Variants in CCT4 observed in about 807,000 individuals in gnomAD.
CCT4 encodes the protein chaperonin containing TCP1 subunit 4.
CCT4 carries 17 observed loss-of-function variants against 62.5 expected under a neutral mutation model. The ratio of observed to expected loss-of-function variants is 0.27; its 90% CI spans 0.19 to 0.41. The LOEUF (loss-of-function observed/expected upper bound fraction) is 0.41. Among genes scored for constraint, CCT4 ranks in the 10% least tolerant of loss-of-function variants. CCT4 has a pLI of 1.00. For synonymous variants in CCT4, 250 were observed against 229.9 expected (o/e 1.09, Z -0.79); for missense variants, 592 against 659.2 (o/e 0.90, Z 1.12).
At chr2:61,880,997 T>C (rs1368992341) in intron 3 of CCT4, among the ~76,000 whole-genome samples, 1 of 152,188 alleles carries the variant, frequency 6.6e-6, no homozygotes, top group African/African-American at 2.4e-5. Context: ...AGTGCTGAGA[T>C]TACAGGCATG....
chr2:61,880,804 C>G (rs1669095871), intron 3 of CCT4, among the ~76,000 whole-genome samples: 2 of 152,136 alleles, frequency 1.3e-5, no homozygotes, highest in Admixed American at 1.3e-4. Context: ...CTCCTGGGCT[C>G]AAGAGATCCT....
rs1668896015 is a variant in CCT4, at chr2:61,872,077, A to AT, written c.1491+4dup. ...TATTTTCTACATTAGAGATTAAATG[A>AT]TTACCTTTCGGACATTAATGCCTGC... On this transcript the variant is annotated splice_donor_region_variant and intron_variant, in intron 12 of 13. Coordinates refer to ENST00000394440, the MANE Select transcript of CCT4 (RefSeq NM_006430.4). 6.4e-7 allele frequency: 1 copy of AT among 1,571,748 alleles called. No homozygotes were observed. The highest frequency in any genetic ancestry group is 1.4e-5 in the African/African-American group (1 of 73,984).
At chr2:61,881,087 C>A (rs1300561224) in intron 3 of CCT4, among the ~76,000 whole-genome samples, 2 of 152,030 alleles carry the variant, frequency 1.3e-5, no homozygotes, top group Non-Finnish European at 2.9e-5. Context: ...GTAAGTATAA[C>A]CTGATTCATT....
Position 61,878,696 on chromosome 2 carries a change from G to GT in CCT4, c.522+172dup, listed in dbSNP as rs1669049838. 2.0e-5 allele frequency among the ~76,000 whole-genome samples: 3 copies of GT among 152,136 alleles called. No homozygotes were observed. The South Asian group carries it at 6.2e-4, about 31-fold the overall frequency. Reference sequence around the variant, plus strand: ...ATATATTAAATATCCTAACTCCTTTGTTAGCCTTATGGCTCATTTCCTCTC... The same window carrying GT: ...ATATATTAAATATCCTAACTCCTTTGTTTAGCCTTATGGCTCATTTCCTCTC... On this transcript the variant is annotated intron_variant, in intron 5 of 13. Transcript: ENST00000394440.
At chr2:61,881,671 G>C (rs1669118174) in intron 3 of CCT4, among the ~76,000 whole-genome samples, 1 of 151,952 alleles carries the variant, frequency 6.6e-6, no homozygotes, top group Non-Finnish European at 1.5e-5. Flanking sequence ...TTTTAAGTAA[G>C]CTCACAGTAT....
At chr2:61,887,864 C>T (rs1274152849) in intron 1 of CCT4, 1 of 152,422 alleles carries the variant, frequency 6.6e-6, no homozygotes, top group Non-Finnish European at 1.5e-5. Flanking sequence ...TCAAACACGA[C>T]ACGTAAGTCG....
chr2:61,887,395 A>G lies in CCT4; in HGVS notation c.127+986T>C, dbSNP rs938330713. Among the ~76,000 whole-genome samples the G allele has an allele frequency of 7.2e-5, 11 of 152,226 alleles. No homozygotes were observed. In the East Asian group the frequency reaches 2.1e-3, roughly 29 times the overall value. On this transcript the variant is annotated intron_variant, in intron 1 of 13. Coordinates refer to ENST00000394440, the MANE Select transcript of CCT4 (RefSeq NM_006430.4). The stretch of plus-strand genomic sequence containing the variant: ...CAGCAAGCCTACACGATGGCTAAAA[A>G]GAAATGATCCCATAGCTGGGGGAGA...
At position 61,868,554 on chromosome 2, in the gene CCT4, C is replaced by A; in HGVS notation, c.*138G>T. ...TTTTCATTAAATTGTTTCAATACAA[C>A]TTCAGGCAAATGCCAACTGGAAGAC... On this transcript the variant is annotated 3_prime_UTR_variant, in exon 14 of 14. Transcript: ENST00000394440. The A allele has an allele frequency of 1.6e-6, 1 of 629,526 alleles. No individual in the cohort carries two copies. The highest frequency in any genetic ancestry group is 2.1e-5 in the South Asian group (1 of 46,540). The allele number at this position is 629,526 out of a possible 1,614,324, so 39.0% of individuals were successfully genotyped here.
rs553860251 is a variant in CCT4 at position 61,868,431 on chromosome 2, C to T, written c.*261G>A. On this transcript the variant is annotated 3_prime_UTR_variant, in exon 14 of 14. Transcript: ENST00000394440. The stretch of plus-strand genomic sequence containing the variant: ...CCTCAACATGTAAACTCACTTTTTA[C>T]GCTTCTTTTATTAGTTTTTATTAGT... The T allele has an allele frequency of 1.6e-5, 7 of 431,424 alleles. No individual in the cohort carries two copies. Among genetic ancestry groups the T allele is most frequent in the Admixed American group, 7.3e-5 (2 of 27,348 alleles). The allele number at this position is 431,424 out of a possible 1,614,324, so 26.7% of individuals were successfully genotyped here.
chr2:61,878,644 AAACAG>A (rs1269564831), intron 5 of CCT4, among the ~76,000 whole-genome samples: 1 of 152,232 alleles, frequency 6.6e-6, no homozygotes, highest in African/African-American at 2.4e-5. Flanking sequence ...ACAATGCATT[AAACAG>A]AAAAGTGGAA....
rs373666408 is a variant in CCT4, at chr2:61,873,101, G to A, written c.1026C>T (p.Thr342=). ...DIEFICKTIG[T]KPVAHIDQFT... ...ATTGGTCAATATGAGCAACTGGCTT[G>A]GTTCCAATTGTCTGGAAAAAACAGT... is the stretch of plus-strand genomic sequence containing the variant. Residue 342 remains threonine (T), a synonymous_variant, in exon 10 of 14, where the codon ACC becomes ACT. Transcript: ENST00000394440. 1 of 1,604,892 alleles carries A rather than the reference G, an allele frequency of 6.2e-7. No individual in the cohort carries two copies. The highest frequency in any genetic ancestry group is 8.5e-7 in the Non-Finnish European group (1 of 1,171,616).
intron 8 of CCT4, among the ~76,000 whole-genome samples, chr2:61,875,532 G>A (rs1314163832): frequency 6.7e-5 from 10 of 148,670 alleles, no homozygotes; most frequent in African/African-American, 2.5e-4. Flanking sequence ...GCAGTGAGCC[G>A]AGATTGCACC....
At position 61,872,986 on chromosome 2, in the gene CCT4, A is replaced by C. The variant is rs1289756966; in HGVS notation, c.1125+16T>G. The C allele has an allele frequency of 2.1e-6, 3 of 1,396,828 alleles. No homozygotes were observed. The African/African-American group carries it at 4.2e-5, about 20-fold the overall frequency. The allele number at this position is 1,396,828 out of a possible 1,614,324, so 86.5% of individuals were successfully genotyped here. ...CCAAACCTAAGCAAATAAAAATTTA[A>C]GTGTAATACTGTTACCTTGAGCAGT... On this transcript the variant is annotated intron_variant, in intron 10 of 13. Transcript: ENST00000394440.
intron 3 of CCT4, among the ~76,000 whole-genome samples, chr2:61,881,239 C>T (rs904423586): frequency 3.3e-5 from 5 of 151,960 alleles, no homozygotes; most frequent in Non-Finnish European, 5.9e-5. Context: ...AAATAAGATG[C>T]TTATTTTCCT....
At chr2:61,873,880 T>C (rs2105128227) in intron 8 of CCT4, among the ~76,000 whole-genome samples, 1 of 151,896 alleles carries the variant, frequency 6.6e-6, no homozygotes, top group East Asian at 1.9e-4. Flanking sequence ...TATTTATTTT[T>C]AATAGAGACA....
chr2:61,885,966 A>T (rs1669239634), intron 1 of CCT4: 2 of 152,222 alleles, frequency 1.3e-5, no homozygotes, highest in African/African-American at 2.4e-5. Flanking sequence ...ATTTACAGAT[A>T]ATTCACTTAT....
chr2:61,877,012 G>C lies in CCT4; in HGVS notation c.685C>G (p.Leu229Val). Residue 229 changes from leucine (L) to valine (V), a missense_variant, in exon 7 of 14, where the codon CTC (leucine) becomes GTC (valine). Coordinates refer to ENST00000394440, the MANE Select transcript of CCT4 (RefSeq NM_006430.4). ...CCAGAATTTGACACTTTTTGGGTGA[G>C]AACCAGCCCTTCCACCAACTCACAG... Reference protein sequence around the residue: ...DDCELVEGLVLTQKVSNSGIT... With the variant: ...DDCELVEGLVVTQKVSNSGIT... The C allele has an allele frequency of 6.2e-7, 1 of 1,613,356 alleles. No individual in the cohort carries two copies. The highest frequency in any genetic ancestry group is 8.5e-7 in the Non-Finnish European group (1 of 1,179,394).
intron 3 of CCT4, among the ~76,000 whole-genome samples, chr2:61,883,186 G>A (rs1222055016): frequency 1.3e-5 from 2 of 152,142 alleles, no homozygotes; most frequent in African/African-American, 4.8e-5. Flanking sequence ...CACTTTGGGA[G>A]GCCAACGTAG....
rs1361439596 is a variant in CCT4 at position 61,873,277 on chromosome 2, G to T, written c.934C>A (p.Leu312Ile). 2 of 1,540,632 alleles carry T rather than the reference G, an allele frequency of 1.3e-6. No homozygotes were observed. Among genetic ancestry groups the T allele is most frequent in the South Asian group, 2.2e-5 (2 of 89,250 alleles). The change falls in exon 9 of 14, where the codon CTT (leucine) becomes ATT (isoleucine). Residue 312 changes from leucine (L) to isoleucine (I), a missense_variant. Physicochemically the swap from Leu to Ile is conservative, Grantham distance 5. Around this residue, in one of 3 missense-constraint regions of CCT4, gnomAD observed 522 missense variants for 571.2 expected, o/e 0.91. Coordinates refer to ENST00000394440, the MANE Select transcript of CCT4 (RefSeq NM_006430.4). ...ATTTTATTCAGAAAGTGTAATGCAA[G>T]ATCACTAAGAGCATCTCTAAAATAC... Reference protein sequence around the residue: ...KSILRDALSDLALHFLNKMKI... With the variant: ...KSILRDALSDIALHFLNKMKI...
Sources: gnomAD v4.1 joint callset for allele counts (sites outside exome capture counted in the v4.1 genomes callset) on GRCh38, gnomAD v4.1.1 for gene constraint, gnomAD v4.1.1 regional missense constraint, MANE v1.5 for transcripts, NCBI Gene and HGNC (gene_info 2026-07-23, HGNC 2026-07-21) for gene names.